The following ZNF704 variants were observed in gnomAD, a reference collection of about 807,000 sequenced individuals.
The protein encoded by ZNF704 is glucocorticoid induced gene 1.
Under a neutral mutation model 44.7 loss-of-function variants are expected in ZNF704, and 10 were observed. The observed-to-expected ratio is 0.22, with a 90% CI of 0.14 to 0.38. ZNF704 has a LOEUF of 0.38. Ranked by LOEUF, ZNF704 falls within the 10% of genes least tolerant of loss-of-function variation. The pLI, the probability that ZNF704 is intolerant of heterozygous loss-of-function variation, is 1.00. For synonymous variants in ZNF704, 211 were observed against 207.6 expected, an observed-to-expected ratio of 1.02 and a Z score of -0.14; for missense variants, 390 against 545.5, an observed-to-expected ratio of 0.71 and a Z score of 2.84.
At chr8:80,882,928 T>C in the ZNF704 span, among the ~76,000 whole-genome samples, 2 of 151,914 alleles carry the variant, frequency 1.3e-5, no homozygotes, top group Non-Finnish European at 2.9e-5. Context: ...TAATCCTTCA[T>C]CCTAATAGAA....
chr8:80,687,606 T>G (rs1818562219), intron 3 of ZNF704, 148 bp from the exon 4 acceptor site: 2 of 592,936 alleles, frequency 3.4e-6, no homozygotes, highest in East Asian at 5.8e-5. Context: ...GTTTTTGTTC[T>G]ATTTATACGC....
At chr8:80,782,717 C>G (rs1807550094) in intron 2 of ZNF704, among the ~76,000 whole-genome samples, 2 of 152,120 alleles carry the variant, frequency 1.3e-5, no homozygotes, top group Non-Finnish European at 2.9e-5. Context: ...TCTGAGGGAT[C>G]TTGGGTTGTC....
At chr8:80,795,834 T>G (rs2129769712) in intron 2 of ZNF704, among the ~76,000 whole-genome samples, 1 of 152,282 alleles carries the variant, frequency 6.6e-6, no homozygotes, top group East Asian at 1.9e-4. Context: ...TCAATGAGGG[T>G]GCACTGGCAT....
At chr8:80,671,122 A>G (rs1203024500) in intron 4 of ZNF704, among the ~76,000 whole-genome samples, 1 of 152,118 alleles carries the variant, frequency 6.6e-6, no homozygotes, top group African/African-American at 2.4e-5. Flanking sequence ...CAAGGGTCAC[A>G]GTATTTTCTT....
chr8:80,664,371 A>T (rs1360756041), intron 6 of ZNF704, among the ~76,000 whole-genome samples: 2 of 151,396 alleles, frequency 1.3e-5, no homozygotes, highest in Non-Finnish European at 2.9e-5. Flanking sequence ...TCCTGGGTTC[A>T]AGTGATTCTC....
intron 2 of ZNF704, among the ~76,000 whole-genome samples, chr8:80,782,477 A>G (rs1190847439): frequency 6.6e-6 from 1 of 152,184 alleles, no homozygotes; most frequent in East Asian, 1.9e-4. Context: ...AGTACTTAAT[A>G]TAATTTTGGC....
At chr8:80,648,963 A>T (rs1190046816) in intron 7 of ZNF704, among the ~76,000 whole-genome samples, 1 of 152,140 alleles carries the variant, frequency 6.6e-6, no homozygotes, top group Non-Finnish European at 1.5e-5. Context: ...GTGTGCCCTA[A>T]AATAAAGCCC....
intron 2 of ZNF704, among the ~76,000 whole-genome samples, chr8:80,752,523 G>C (rs2131707515): frequency 6.7e-6 from 1 of 149,542 alleles, no homozygotes; most frequent in Non-Finnish European, 1.5e-5. Flanking sequence ...CTCTGCTTTG[G>C]GGGTAAACTT....
In ZNF704 at chr8:80,687,419, G is replaced by A. The variant is rs988507039; in HGVS notation, c.365C>T (p.Pro122Leu). The A allele has an allele frequency of 1.9e-6, 3 of 1,595,484 alleles. No homozygotes were observed. In the Admixed American group the frequency reaches 5.1e-5, roughly 27 times the overall value. ...GTAGCCGCTGCTGCTGGTGCTGGAAGGCACGCAGCCGCCCTCCTTCCAGGA... is the reference window on the plus strand; with the variant it reads ...GTAGCCGCTGCTGCTGGTGCTGGAAAGCACGCAGCCGCCCTCCTTCCAGGA... ...SGSWKEGGCV[P>L]SSTSSSGYWS... Residue 122 changes from proline to leucine, a missense_variant, in exon 4 of 9, where the codon CCT (proline) becomes CTT (leucine). Physicochemically the swap from Pro to Leu is moderately conservative, Grantham distance 98. Around this residue, in one of 3 missense-constraint regions of ZNF704, gnomAD observed 305 missense variants for 435.7 expected, o/e 0.70. Transcript: ENST00000327835.
intron 1 of ZNF704, among the ~76,000 whole-genome samples, chr8:80,861,991 C>CTTTTT (rs71266093): frequency 2.0e-4 from 19 of 92,948 alleles, no homozygotes; most frequent in African/African-American, 5.9e-4. Flanking sequence ...AAAAAATAAC[C>CTTTTT]TTTTTTTTTT....
intron 2 of ZNF704, among the ~76,000 whole-genome samples, chr8:80,760,903 TTCA>T (rs1807119774): frequency 6.6e-6 from 1 of 151,916 alleles, no homozygotes; most frequent in African/African-American, 2.4e-5. Context: ...GCTGCACACT[TTCA>T]AATCACCAGA....
At chr8:80,761,664 T>C (rs961419780) in intron 2 of ZNF704, among the ~76,000 whole-genome samples, 1 of 152,244 alleles carries the variant, frequency 6.6e-6, no homozygotes, top group African/African-American at 2.4e-5. Context: ...AAATATGTTG[T>C]AGGCCACTTT....
intron 1 of ZNF704, among the ~76,000 whole-genome samples, 196 bp from the exon 2 acceptor site, chr8:80,821,811 A>C (rs1008096585): frequency 1.3e-5 from 2 of 152,248 alleles, no homozygotes; most frequent in Non-Finnish European, 2.9e-5. Context: ...ATCTGTAATA[A>C]TGCAAATAAG....
intron 1 of ZNF704, among the ~76,000 whole-genome samples, chr8:80,834,010 G>C (rs1431272770): frequency 6.6e-6 from 1 of 152,106 alleles, no homozygotes; most frequent in South Asian, 2.1e-4. Flanking sequence ...TCTATCTTGA[G>C]CAAAAGCCTT....
chr8:80,695,504 C>T (rs1488164220), intron 2 of ZNF704, among the ~76,000 whole-genome samples: 1 of 152,150 alleles, frequency 6.6e-6, no homozygotes. Context: ...TCGCCCCCTC[C>T]CCTGATTCTT....
chr8:80,801,254 GATC>G (rs1246167921), intron 2 of ZNF704, among the ~76,000 whole-genome samples: 1 of 152,138 alleles, frequency 6.6e-6, no homozygotes, highest in Non-Finnish European at 1.5e-5. Flanking sequence ...ATATTAGACA[GATC>G]ATCAAGACAG....
At chr8:80,642,155 T>C (rs1817753448) in intron 8 of ZNF704, among the ~76,000 whole-genome samples, 1 of 152,192 alleles carries the variant, frequency 6.6e-6, no homozygotes, top group Non-Finnish European at 1.5e-5. Flanking sequence ...AAACTGCAAA[T>C]AGTACAAACC....
intron 1 of ZNF704, among the ~76,000 whole-genome samples, chr8:80,826,071 AAGATC>A (rs201386634): frequency 0.21 from 31,927 of 151,884 alleles, 4,600 homozygotes; most frequent in African/African-American, 0.42. Flanking sequence ...AGAAATAACT[AAGATC>A]AGAGCAGAAC....
chr8:80,701,123 A>C (rs1818803306), intron 2 of ZNF704, among the ~76,000 whole-genome samples: 1 of 151,848 alleles, frequency 6.6e-6, no homozygotes, highest in Admixed American at 6.6e-5. Context: ...ACTGGCCCAG[A>C]AGAACCAAAC....
Sources: allele counts gnomAD v4.1 joint callset (sites outside exome capture counted in the v4.1 genomes callset), GRCh38; gene constraint gnomAD v4.1.1; regional missense constraint gnomAD v4.1.1; transcripts MANE v1.5; gene names NCBI Gene and HGNC (gene_info 2026-07-23, HGNC 2026-07-21).